Variants in UST observed in about 807,000 individuals in gnomAD.
UST encodes uronyl 2-sulfotransferase, also known as chondroitin sulfate 2-O-sulfotransferase.
Under a neutral mutation model 45.6 loss-of-function variants are expected in UST, and 21 were observed. That is an observed-to-expected ratio of 0.46 (90% confidence interval 0.33 to 0.66). The LOEUF is 0.66. Ranked by LOEUF, UST falls within the 30% of genes least tolerant of loss-of-function variation. The pLI is 0.02. For missense variants in UST, 463 were observed against 512.4 expected (o/e 0.90, Z 0.93); for synonymous variants, 215 against 200.6 (o/e 1.07, Z -0.61).
At chr6:148,819,831 C>T (rs1403528979) in intron 1 of UST, among the ~76,000 whole-genome samples, 1 of 152,176 alleles carries the variant, frequency 6.6e-6, no homozygotes, top group Non-Finnish European at 1.5e-5. Flanking sequence ...TAGCATCTTC[C>T]ATTGGAAGTT....
Position 148,790,232 on chromosome 6 carries a change from G to A in UST, c.247+42555G>A, listed in dbSNP as rs573441714. The stretch of plus-strand genomic sequence containing the variant: ...GAGTGGTTACCTTGGATCCCTTCAT[G>A]CCCGTGCTAATCTCACTCCGTGCTC... On this transcript the variant is annotated intron_variant, in intron 1 of 7. Transcript: ENST00000367463. The surrounding 1 kb of genome is among the most constrained non-coding windows in gnomAD (Gnocchi z 4.2). 6.6e-6 allele frequency among the ~76,000 whole-genome samples: 1 copy of A among 152,254 alleles called. No homozygotes were observed. The highest frequency in any genetic ancestry group is 2.4e-5 in the African/African-American group (1 of 41,542).
chr6:148,779,107 G>A (rs1006619828), intron 1 of UST, among the ~76,000 whole-genome samples: 2 of 145,172 alleles, frequency 1.4e-5, no homozygotes, highest in East Asian at 4.0e-4. Flanking sequence ...TGTTCTTTGT[G>A]GCACATTTTT....
chr6:148,764,421 C>T (rs1406381448), intron 1 of UST, among the ~76,000 whole-genome samples: 1 of 152,146 alleles, frequency 6.6e-6, no homozygotes, highest in Non-Finnish European at 1.5e-5. Flanking sequence ...GGTATAAGAT[C>T]ATGTCATCAG....
In UST at chr6:148,781,270, C is replaced by A. The variant is rs116129726; in HGVS notation, c.247+33593C>A. ...ATGAGAAGTGCTATTCCGGTGAACA[C>A]GTGAATGGTAAGAAAGCTAAGGAGC... On this transcript the variant is annotated intron_variant, in intron 1 of 7. Transcript: ENST00000367463. 8.1e-3 allele frequency among the ~76,000 whole-genome samples: 1,233 copies of A among 152,180 alleles called. 18 individuals carry two copies. Among genetic ancestry groups the A allele is most frequent in the African/African-American group, 0.028 (1,161 of 41,512 alleles).
At position 149,056,843 on chromosome 6, in the gene UST, G is replaced by C. The variant is rs946556082; in HGVS notation, c.938-16990G>C. On this transcript the variant is annotated intron_variant, in intron 7 of 7. Transcript: ENST00000367463. Reference sequence around the variant, plus strand: ...TTCCTGACTTGGGAATGGTTATTTTGAGTAGCACCTCCTATTAACCTAACT... The same window carrying C: ...TTCCTGACTTGGGAATGGTTATTTTCAGTAGCACCTCCTATTAACCTAACT... Among the ~76,000 whole-genome samples, 6 of 152,186 alleles carry C rather than the reference G, an allele frequency of 3.9e-5. 1 individual carries two copies. Among genetic ancestry groups the C allele is most frequent in the Admixed American group, 1.3e-4 (2 of 15,286 alleles).
chr6:148,956,655 C>G (rs751902003), intron 4 of UST, among the ~76,000 whole-genome samples: 60 of 152,156 alleles, frequency 3.9e-4, no homozygotes, highest in Non-Finnish European at 7.9e-4. Flanking sequence ...AGCCCACTGC[C>G]CAGCTCCTGA....
At chr6:148,947,929 A>AG (rs1016546010) in intron 3 of UST, among the ~76,000 whole-genome samples, 4 of 151,994 alleles carry the variant, frequency 2.6e-5, no homozygotes, top group Non-Finnish European at 4.4e-5. Flanking sequence ...GTGGAAAAAA[A>AG]AAAAAGAAAA....
At chr6:148,867,588 C>T (rs1035731308) in intron 1 of UST, among the ~76,000 whole-genome samples, 5 of 152,028 alleles carry the variant, frequency 3.3e-5, no homozygotes, top group African/African-American at 1.2e-4. Context: ...ATACTGTTCT[C>T]GTGGTAGTGA....
intron 5 of UST, among the ~76,000 whole-genome samples, chr6:149,001,763 G>T (rs1453703216): frequency 6.6e-6 from 1 of 152,176 alleles, no homozygotes; most frequent in Non-Finnish European, 1.5e-5. Flanking sequence ...GAACAGAGCT[G>T]TTGAGTAAAA....
intron 1 of UST, among the ~76,000 whole-genome samples, chr6:148,770,161 G>A (rs1026361095): frequency 6.6e-6 from 1 of 151,898 alleles, no homozygotes; most frequent in African/African-American, 2.4e-5. Flanking sequence ...TGATACAGAT[G>A]TGTATAAATT....
intron 5 of UST, among the ~76,000 whole-genome samples, chr6:149,008,148 CTG>C (rs1215623502): frequency 6.6e-6 from 1 of 152,150 alleles, no homozygotes; most frequent in African/African-American, 2.4e-5. Context: ...GGGAGAAAAA[CTG>C]AAATCTCCCA....
rs140166633 is a variant in UST, at chr6:148,980,568, C to A, written c.681+16005C>A. Among the ~76,000 whole-genome samples, 3 of 152,328 alleles carry A rather than the reference C, an allele frequency of 2.0e-5. No homozygotes were observed. In the East Asian group the frequency reaches 5.8e-4, roughly 29 times the overall value. On this transcript the variant is annotated intron_variant, in intron 5 of 7. Transcript: ENST00000367463. ...TTTCTCTGTCTTTCAAGGCTCTTAACAATCTGGACCTATCCTGCCAGCCCT... is the reference window on the plus strand; with the variant it reads ...TTTCTCTGTCTTTCAAGGCTCTTAAAAATCTGGACCTATCCTGCCAGCCCT...
intron 1 of UST, among the ~76,000 whole-genome samples, chr6:148,818,286 G>A (rs1269558466): frequency 1.3e-5 from 2 of 152,168 alleles, no homozygotes; most frequent in East Asian, 3.8e-4. Flanking sequence ...AGTGTGACTT[G>A]GGGTGAAGGA....
At chr6:149,012,421 C>T (rs981514250) in intron 5 of UST, among the ~76,000 whole-genome samples, 3 of 152,086 alleles carry the variant, frequency 2.0e-5, no homozygotes, top group Non-Finnish European at 2.9e-5. Flanking sequence ...CTCTGATTAC[C>T]GTGGTCCACT....
chr6:149,022,726 A>G (rs1775997603), intron 7 of UST, among the ~76,000 whole-genome samples: 1 of 152,208 alleles, frequency 6.6e-6, no homozygotes, highest in South Asian at 2.1e-4. Flanking sequence ...GGCCCAGGGA[A>G]ACTGGTCTTT....
intron 1 of UST, among the ~76,000 whole-genome samples, chr6:148,763,706 C>T (rs1474443063): frequency 2.0e-5 from 3 of 152,152 alleles, no homozygotes; most frequent in Non-Finnish European, 4.4e-5. Context: ...TTTCATTCTT[C>T]TGCATATGGC....
chr6:148,959,513 C>T (rs182099836), intron 4 of UST, among the ~76,000 whole-genome samples: 286 of 152,310 alleles, frequency 1.9e-3, no homozygotes, highest in African/African-American at 6.3e-3. Context: ...TGGCTGGACT[C>T]GTCTTCCTAA....
chr6:149,072,873 A>G (rs1332077160), intron 7 of UST, among the ~76,000 whole-genome samples: 1 of 152,144 alleles, frequency 6.6e-6, no homozygotes, highest in Non-Finnish European at 1.5e-5. Context: ...AAGGAAAGGA[A>G]TTGGGAGTTA....
At chr6:148,986,445 G>A (rs1289031763) in intron 5 of UST, among the ~76,000 whole-genome samples, 1 of 152,262 alleles carries the variant, frequency 6.6e-6, no homozygotes, top group East Asian at 1.9e-4. Context: ...CAGACTAATC[G>A]AGTCAATTTT....
Sources: gnomAD v4.1 joint callset for allele counts (sites outside exome capture counted in the v4.1 genomes callset) on GRCh38, gnomAD v4.1.1 for gene constraint, Gnocchi (gnomAD v3.1) non-coding constraint, MANE v1.5 for transcripts, NCBI Gene and HGNC (gene_info 2026-07-23, HGNC 2026-07-21) for gene names.